The following TCF4 variants were observed in gnomAD, a reference collection of about 807,000 sequenced individuals.
The protein encoded by TCF4 is SL3-3 enhancer factor 2.
A neutral mutation model predicts 82.1 loss-of-function variants in TCF4; 3 were observed. The observed-to-expected ratio is 0.04, with a 90% CI of 0.02 to 0.09. TCF4 has a LOEUF of 0.09. Ranked by LOEUF, TCF4 falls within the 10% of genes least tolerant of loss-of-function variation. The probability of loss-of-function intolerance (pLI) is 1.00; values close to 1 mark genes in which losing one functional copy is unlikely to be tolerated. For missense variants in TCF4, 518 were observed against 852.7 expected, an observed-to-expected ratio of 0.61 and a Z score of 4.89; for synonymous variants, 276 against 309.6, an observed-to-expected ratio of 0.89 and a Z score of 1.14.
chr18:55,286,696 A>G (rs1235564347), intron 8 of TCF4, among the ~76,000 whole-genome samples: 15 of 152,242 alleles, frequency 9.9e-5, no homozygotes. Flanking sequence ...GCAAACAACC[A>G]AAAACCAAAC....
At chr18:55,331,152 G>C (rs943469069) in intron 8 of TCF4, among the ~76,000 whole-genome samples, 1 of 152,020 alleles carries the variant, frequency 6.6e-6, no homozygotes, top group Admixed American at 6.5e-5. Flanking sequence ...CTAGACAGAA[G>C]CTCAGTGGAG....
At chr18:55,480,444 C>T (rs1332559818) in intron 3 of TCF4, among the ~76,000 whole-genome samples, 2 of 151,834 alleles carry the variant, frequency 1.3e-5, no homozygotes, top group African/African-American at 2.4e-5. Flanking sequence ...GAAAATCTTA[C>T]GAAAATAAAA....
chr18:55,559,830 T>C (rs1331086102), intron 3 of TCF4, among the ~76,000 whole-genome samples: 1 of 152,058 alleles, frequency 6.6e-6, no homozygotes, highest in Non-Finnish European at 1.5e-5. Context: ...TTTCTGGTTG[T>C]ACTAGGAAAA....
intron 2 of TCF4, among the ~76,000 whole-genome samples, chr18:55,629,633 T>C (rs529407125): frequency 5.3e-5 from 8 of 152,302 alleles, no homozygotes; most frequent in African/African-American, 1.4e-4. Flanking sequence ...TGGATGATTC[T>C]AACAGTTGGA....
intron 3 of TCF4, among the ~76,000 whole-genome samples, chr18:55,524,815 C>T (rs189999296): frequency 6.6e-6 from 1 of 152,172 alleles, no homozygotes; most frequent in Admixed American, 6.5e-5. Flanking sequence ...GGCCTAGTCT[C>T]TAGAAGTTTA....
At chr18:55,621,790 A>C (rs2097720501) in intron 2 of TCF4, among the ~76,000 whole-genome samples, 1 of 90,212 alleles carries the variant, frequency 1.1e-5, no homozygotes, top group African/African-American at 4.4e-5. Context: ...AATATATATT[A>C]TATATTATAT....
intron 5 of TCF4, among the ~76,000 whole-genome samples, chr18:55,434,567 C>T (rs946733152): frequency 5.9e-5 from 9 of 151,556 alleles, no homozygotes; most frequent in African/African-American, 1.7e-4. Context: ...CTACAGGCAC[C>T]CGCCACCACG....
intron 3 of TCF4, among the ~76,000 whole-genome samples, chr18:55,476,361 A>T (rs529980164): frequency 6.6e-6 from 1 of 152,370 alleles, no homozygotes; most frequent in East Asian, 1.9e-4. Flanking sequence ...TCAATACAGC[A>T]TAAGCATACC....
chr18:55,622,904 T>TG (rs61170906), intron 2 of TCF4, among the ~76,000 whole-genome samples: 4 of 144,586 alleles, frequency 2.8e-5, no homozygotes, highest in Admixed American at 2.1e-4. Context: ...TGTGTGTGTG[T>TG]TGTGGAGATG....
At chr18:55,349,343 T>C (rs1477934960) in intron 8 of TCF4, among the ~76,000 whole-genome samples, 1 of 152,132 alleles carries the variant, frequency 6.6e-6, no homozygotes, top group Non-Finnish European at 1.5e-5. Flanking sequence ...GTTAATCTAA[T>C]CTTAGCACAT....
intron 3 of TCF4, among the ~76,000 whole-genome samples, chr18:55,501,283 T>G (rs940060407): frequency 6.6e-6 from 1 of 152,026 alleles, no homozygotes; most frequent in Non-Finnish European, 1.5e-5. Flanking sequence ...TTTTAAAGAA[T>G]TTACATTAAA....
At chr18:55,622,399 C>T (rs540987301) in intron 2 of TCF4, among the ~76,000 whole-genome samples, 3 of 150,508 alleles carry the variant, frequency 2.0e-5, no homozygotes, top group African/African-American at 7.3e-5. Flanking sequence ...CCCAGCTACT[C>T]GGGAGGCTGA....
Position 55,249,193 on chromosome 18 carries a change from C to G in TCF4, c.1350+5304G>C, listed in dbSNP as rs190671051. Among the ~76,000 whole-genome samples the G allele has an allele frequency of 2.6e-5, 4 of 152,184 alleles. No individual in the cohort carries two copies. The East Asian group carries it at 7.7e-4, about 29-fold the overall frequency. The stretch of plus-strand genomic sequence containing the variant: ...TCAGTGGTCTGAGCTCTTAACTATA[C>G]AAGGAAAACTAACTGAAGTTGTTTG... On this transcript the variant is annotated intron_variant, in intron 15 of 19. Coordinates refer to ENST00000354452, the MANE Select transcript of TCF4 (RefSeq NM_001083962.2).
chr18:55,624,291 A>G (rs2097724370), intron 2 of TCF4, among the ~76,000 whole-genome samples: 1 of 151,904 alleles, frequency 6.6e-6, no homozygotes, highest in South Asian at 2.1e-4. Flanking sequence ...AAGAATCAGC[A>G]GTTTTTACTG....
chr18:55,246,525 C>T (rs752668414), intron 15 of TCF4, among the ~76,000 whole-genome samples: 43 of 152,174 alleles, frequency 2.8e-4, no homozygotes, highest in Admixed American at 7.2e-4. Flanking sequence ...GCACAGTGTC[C>T]TCATCACTTT....
upstream of TCF4, chr18:55,588,247 G>A: frequency 7.0e-7 from 1 of 1,422,198 alleles, no homozygotes; most frequent in Non-Finnish European, 9.2e-7. Flanking sequence ...TCCGGGGAGG[G>A]GAGGGGACGG....
At position 55,540,775 on chromosome 18, in the gene TCF4, T is replaced by G. The variant is rs556695163; in HGVS notation, c.145+44505A>C. Among the ~76,000 whole-genome samples, 52 of 152,168 alleles carry G rather than the reference T, an allele frequency of 3.4e-4. 1 individual carries two copies. Among genetic ancestry groups the G allele is most frequent in the Admixed American group, 2.2e-3 (33 of 15,278 alleles). ...ATTTCACAAACATCTATTTTGTGAATAAACTATTGTTTTTTGATATTTCAG... is the reference window on the plus strand; with the variant it reads ...ATTTCACAAACATCTATTTTGTGAAGAAACTATTGTTTTTTGATATTTCAG... On this transcript the variant is annotated intron_variant, in intron 3 of 19. Coordinates refer to ENST00000354452, the MANE Select transcript of TCF4 (RefSeq NM_001083962.2).
At chr18:55,580,765 T>C (rs2147772903) in intron 3 of TCF4, among the ~76,000 whole-genome samples, 2 of 151,882 alleles carry the variant, frequency 1.3e-5, no homozygotes, top group Non-Finnish European at 2.9e-5. Flanking sequence ...TGTGTGTGTG[T>C]GTGTGTGTGT....
intron 2 of TCF4, among the ~76,000 whole-genome samples, chr18:55,618,471 T>C (rs548628789): frequency 6.6e-6 from 1 of 152,310 alleles, no homozygotes; most frequent in East Asian, 1.9e-4. Context: ...CTGACTTTAT[T>C]TGAGTTTTCT....
Sources: allele counts gnomAD v4.1 joint callset (sites outside exome capture counted in the v4.1 genomes callset), GRCh38; gene constraint gnomAD v4.1.1; transcripts MANE v1.5; gene names NCBI Gene and HGNC (gene_info 2026-07-23, HGNC 2026-07-21).